The following SLC12A1 variants were observed in gnomAD, a reference collection of about 807,000 sequenced individuals.
SLC12A1 encodes solute carrier family 12 member 1.
Under a neutral mutation model 130.4 loss-of-function variants are expected in SLC12A1, and 89 were observed. That is an observed-to-expected ratio of 0.68 (90% CI 0.58 to 0.81). The LOEUF (loss-of-function observed/expected upper bound fraction) is 0.81, where lower values mean the gene tolerates loss of function less well. Among genes scored for constraint, SLC12A1 ranks in the 40% least tolerant of loss-of-function variants. The pLI is 0.00. For synonymous variants in SLC12A1, 499 were observed against 460.0 expected, an observed-to-expected ratio of 1.08 and a Z score of -1.09; for missense variants, 1,310 against 1,336.4, an observed-to-expected ratio of 0.98 and a Z score of 0.31.
chr15:48,254,610 AAAAAAAAAAAAAAAAAAAAAC>A (rs1304711497), intron 15 of SLC12A1, among the ~76,000 whole-genome samples: 6 of 143,076 alleles, frequency 4.2e-5, no homozygotes, highest in African/African-American at 1.3e-4. Context: ...AAAAAAAAAA[AAAAAAAAAAAAAAAAAAAAAC>A]CCAAAAAAGA....
intron 5 of SLC12A1, chr15:48,227,151 G>A (rs1451175933): frequency 6.4e-7 from 1 of 1,551,594 alleles, no homozygotes; most frequent in Non-Finnish European, 8.7e-7. Context: ...TCTGCTATTT[G>A]CACGAATGGA....
At chr15:48,222,918 TTGGCTGTC>T (rs1326679433) in intron 4 of SLC12A1, 1 of 152,228 alleles carries the variant, frequency 6.6e-6, no homozygotes, top group Non-Finnish European at 1.5e-5. Context: ...GCTACGAGTT[TTGGCTGTC>T]TTGTTCCCAA....
chr15:48,256,170 G>A (rs557061727), intron 16 of SLC12A1, among the ~76,000 whole-genome samples: 54 of 152,230 alleles, frequency 3.5e-4, no homozygotes, highest in African/African-American at 1.0e-3. Context: ...ATAGCAAGGT[G>A]GACTAGGTAA....
chr15:48,212,186 A>C (rs2041059414), intron 2 of SLC12A1, among the ~76,000 whole-genome samples: 1 of 152,188 alleles, frequency 6.6e-6, no homozygotes, highest in Non-Finnish European at 1.5e-5. Context: ...AGAAAAATAA[A>C]TACAAATAAA....
At chr15:48,258,997 T>C (rs1406862583) in intron 16 of SLC12A1, among the ~76,000 whole-genome samples, 2 of 152,186 alleles carry the variant, frequency 1.3e-5, no homozygotes, top group African/African-American at 4.8e-5. Flanking sequence ...CTTCACACTT[T>C]TGCTAGGACT....
At chr15:48,234,108 A>C (rs1036798281) in intron 8 of SLC12A1, among the ~76,000 whole-genome samples, 5 of 152,212 alleles carry the variant, frequency 3.3e-5, no homozygotes, top group African/African-American at 4.8e-5. Flanking sequence ...AGACTCACAC[A>C]CAAGGTTCTT....
At chr15:48,265,036 T>C (rs1303361676) in intron 17 of SLC12A1, among the ~76,000 whole-genome samples, 1 of 152,210 alleles carries the variant, frequency 6.6e-6, no homozygotes, top group East Asian at 1.9e-4. Context: ...GGTAGTAAAA[T>C]TCATTTTTGT....
At chr15:48,297,828 C>T (rs1047303558) in intron 24 of SLC12A1, among the ~76,000 whole-genome samples, 1 of 152,122 alleles carries the variant, frequency 6.6e-6, no homozygotes, top group African/African-American at 2.4e-5. Context: ...AGAGCTGGAG[C>T]GAGAACCCAG....
chr15:48,279,799 C>T (rs1032821960), intron 20 of SLC12A1, among the ~76,000 whole-genome samples: 1 of 152,126 alleles, frequency 6.6e-6, no homozygotes, highest in African/African-American at 2.4e-5. Context: ...TCTCAGAGCA[C>T]GGGGATACTG....
intron 17 of SLC12A1, among the ~76,000 whole-genome samples, chr15:48,260,382 A>ACACACACC (rs768468962): frequency 2.8e-5 from 4 of 142,984 alleles, no homozygotes; most frequent in South Asian, 2.2e-4. Flanking sequence ...ACACACACAC[A>ACACACACC]CCACTGAAAA....
At chr15:48,294,363 A>AG (rs929558028) in intron 24 of SLC12A1, among the ~76,000 whole-genome samples, 49 of 151,682 alleles carry the variant, frequency 3.2e-4, no homozygotes, top group Non-Finnish European at 1.3e-4. Flanking sequence ...AAAAAAAAAA[A>AG]AAGAAGAAGA....
At chr15:48,211,433 G>A (rs1457222344) in intron 2 of SLC12A1, among the ~76,000 whole-genome samples, 1 of 152,160 alleles carries the variant, frequency 6.6e-6, no homozygotes, top group Non-Finnish European at 1.5e-5. Context: ...CCACCTCCTT[G>A]TGGCCCTTGA....
At chr15:48,225,779 G>C (rs2041277202) in intron 4 of SLC12A1, 1 of 380,520 alleles carries the variant, frequency 2.6e-6, no homozygotes, top group Non-Finnish European at 3.6e-6. Context: ...CCCTAGACTT[G>C]CTGGTTTTTA....
Position 48,241,543 on chromosome 15 carries a change from C to T in SLC12A1, c.1244C>T (p.Thr415Ile). Residue 415 changes from threonine (T) to isoleucine (I), a missense_variant, in exon 10 of 27, where the codon ACC becomes ATC. Coordinates refer to ENST00000380993, the MANE Select transcript of SLC12A1 (RefSeq NM_000338.3). ...EDPQDAIPRG[T>I]MLAIFITTVA... ...CCCCAAGATGCCATCCCCAGAGGAA[C>T]CATGCTGGCCATTTTCATCACCACT... is the stretch of plus-strand genomic sequence containing the variant. 6.2e-7 allele frequency: 1 copy of T among 1,613,794 alleles called. No homozygotes were observed. The highest frequency in any genetic ancestry group is 8.5e-7 in the Non-Finnish European group (1 of 1,179,760).
chr15:48,221,176 C>T (rs1331230742), intron 4 of SLC12A1, among the ~76,000 whole-genome samples, 180 bp downstream of exon 4: 1 of 152,204 alleles, frequency 6.6e-6, no homozygotes, highest in Non-Finnish European at 1.5e-5. Context: ...GAGTTAACTC[C>T]TATGAAACTG....
At chr15:48,276,371 C>A (rs1265205519) in intron 20 of SLC12A1, among the ~76,000 whole-genome samples, 2 of 152,154 alleles carry the variant, frequency 1.3e-5, no homozygotes, top group Non-Finnish European at 2.9e-5. Context: ...TGTTGAAGTG[C>A]TAACCCCCAG....
chr15:48,226,430 G>GGAA, intron 4 of SLC12A1, 46 bp from the exon 5 acceptor site: 1 of 1,225,236 alleles, frequency 8.2e-7, no homozygotes, highest in Non-Finnish European at 1.2e-6. Flanking sequence ...GGGAATCCAA[G>GGAA]GAAGAAAAGT....
intron 9 of SLC12A1, chr15:48,235,296 A>C (rs2041427679): frequency 2.6e-6 from 1 of 378,302 alleles, no homozygotes; most frequent in South Asian, 3.6e-5. Context: ...TACCAGAACC[A>C]CCCTTTCTCT....
rs746442802 is a variant in SLC12A1, at chr15:48,285,239, G to T, written c.2619G>T (p.Thr873=). 2.5e-6 allele frequency: 4 copies of T among 1,613,378 alleles called. No homozygotes were observed. The highest frequency in any genetic ancestry group is 3.4e-6 in the Non-Finnish European group (4 of 1,179,706). The part of the protein sequence containing the change: ...KAGKLNITKT[T]PKKDGSINTS... ...GCAAGTTGAACATTACTAAGACAAC[G>T]CCTAAAAAAGGTAAGAACTTTTTAA... The change falls in exon 21 of 27, where the codon ACG becomes ACT. Residue 873 remains threonine, a synonymous_variant. Coordinates refer to ENST00000380993, the MANE Select transcript of SLC12A1 (RefSeq NM_000338.3).
Sources: gnomAD v4.1 joint callset for allele counts (sites outside exome capture counted in the v4.1 genomes callset) on GRCh38, gnomAD v4.1.1 for gene constraint, MANE v1.5 for transcripts, NCBI Gene and HGNC (gene_info 2026-07-23, HGNC 2026-07-21) for gene names.